Variants in SLC6A18 observed in about 807,000 individuals in gnomAD.
The protein encoded by SLC6A18 is inactive sodium-dependent neutral amino acid transporter B(0)AT3.
Under a neutral mutation model 62.9 loss-of-function variants are expected in SLC6A18, and 58 were observed. That is an observed-to-expected ratio of 0.92 (90% CI 0.75 to 1.15). SLC6A18 has a LOEUF of 1.15. Ranked by LOEUF, SLC6A18 falls within the 50% of genes most tolerant of loss-of-function variation. SLC6A18 has a pLI of 0.00. For synonymous variants in SLC6A18, 382 were observed against 365.8 expected (o/e 1.04, Z -0.51); for missense variants, 793 against 836.6 (o/e 0.95, Z 0.64).
chr5:1,244,175 C>CCAAACCCAA, intron 9 of SLC6A18, 39 bp from the exon 10 acceptor site: 2 of 893,912 alleles, frequency 2.2e-6, no homozygotes, highest in Non-Finnish European at 3.6e-6. Context: ...CTCCACTCCC[C>CCAAACCCAA]ATCCCCTTAC....
chr5:1,244,803 G>T lies in SLC6A18; in HGVS notation c.1656+36G>T. The stretch of plus-strand genomic sequence containing the variant: ...CCGGTGGGAACCTGGGAAGTCCTGG[G>T]ACCCCTCGGGCTTGGTCTGGCCCCT... On this transcript the variant is annotated intron_variant, in intron 11 of 11. Transcript: ENST00000324642. 3 of 1,570,722 alleles carry T rather than the reference G, an allele frequency of 1.9e-6. No homozygotes were observed. The South Asian group carries it at 3.5e-5, about 18-fold the overall frequency.
rs1438085972 is a variant in SLC6A18 at position 1,241,441 on chromosome 5, G to A, written c.974+782G>A. 6.6e-6 allele frequency among the ~76,000 whole-genome samples: 1 copy of A among 152,208 alleles called. No individual in the cohort carries two copies. Among genetic ancestry groups the A allele is most frequent in the Non-Finnish European group, 1.5e-5 (1 of 68,038 alleles). ...GGGTGGAGGCCGAGGATACCTCGCA[G>A]CACCCTACAGTGTCCAGGACGGCCC... On this transcript the variant is annotated intron_variant, in intron 7 of 11. Transcript: ENST00000324642. This position sits in a 1 kb window ranked among gnomAD's most constrained non-coding sequence, Gnocchi z 7.8.
At chr5:1,226,928 C>T (rs1413703550) in intron 1 of SLC6A18, among the ~76,000 whole-genome samples, 4 of 151,810 alleles carry the variant, frequency 2.6e-5, no homozygotes, top group East Asian at 1.9e-4. Flanking sequence ...CCTTGCCCAC[C>T]GATGCCTTTC....
intron 1 of SLC6A18, among the ~76,000 whole-genome samples, chr5:1,225,960 CA>C (rs1317453266): frequency 2.6e-5 from 4 of 152,222 alleles, no homozygotes; most frequent in African/African-American, 9.6e-5. Flanking sequence ...ACACACCCTA[CA>C]AACAGTGAGC....
chr5:1,232,182 C>T lies in SLC6A18; in HGVS notation c.161-37C>T, dbSNP rs750672338. On this transcript the variant is annotated intron_variant, in intron 1 of 11. Transcript: ENST00000324642. ...CCACGCCACAGTCCCCCCCAGCCCCCGACCCTGGGCAGGTGCTGACCACCC... is the reference window on the plus strand; with the variant it reads ...CCACGCCACAGTCCCCCCCAGCCCCTGACCCTGGGCAGGTGCTGACCACCC... 3.3e-5 allele frequency: 53 copies of T among 1,591,826 alleles called. No individual in the cohort carries two copies. The Admixed American group carries it at 4.2e-4, about 13-fold the overall frequency.
chr5:1,244,141 G>C, intron 9 of SLC6A18, 73 bp from the exon 10 acceptor site: 1 of 1,346,142 alleles, frequency 7.4e-7, no homozygotes, highest in Non-Finnish European at 1.0e-6. Flanking sequence ...TGCCTGGCTG[G>C]CTTCCTCCTG....
chr5:1,243,769 C>T lies in SLC6A18; in HGVS notation c.1336+10C>T. The T allele has an allele frequency of 6.3e-7, 1 of 1,588,600 alleles. No homozygotes were observed. The highest frequency in any genetic ancestry group is 8.6e-7 in the Non-Finnish European group (1 of 1,166,520). ...AAGGAGGCCCTGACTGGTGAGCGCA[C>T]AGCTCCGCCGCCCTGGAGGACCCGT... On this transcript the variant is annotated intron_variant, in intron 9 of 11. Transcript: ENST00000324642. The surrounding 1 kb of genome is among the most constrained non-coding windows in gnomAD (Gnocchi z 6.5).
At chr5:1,229,582 G>A (rs998708115) in intron 1 of SLC6A18, among the ~76,000 whole-genome samples, 5 of 152,156 alleles carry the variant, frequency 3.3e-5, no homozygotes, top group Admixed American at 2.0e-4. Context: ...TCCCATATCT[G>A]GAACCCGGAG....
chr5:1,243,000 A>T, intron 8 of SLC6A18, 137 bp downstream of exon 8: 1 of 1,075,048 alleles, frequency 9.3e-7, no homozygotes, highest in South Asian at 1.9e-5. Context: ...CAAGAACCCC[A>T]GTCTATCTTT....
At chr5:1,237,611 G>A (rs1197523038) in intron 4 of SLC6A18, among the ~76,000 whole-genome samples, 1 of 152,192 alleles carries the variant, frequency 6.6e-6, no homozygotes, top group Admixed American at 6.5e-5. Context: ...CTTGGGAGAG[G>A]GAGGCCAGGG....
In SLC6A18 at chr5:1,232,697, C is replaced by G. The variant is rs1484478052; in HGVS notation, c.302-54C>G. 1.2e-5 allele frequency: 19 copies of G among 1,554,518 alleles called. No individual in the cohort carries two copies. In the East Asian group the frequency reaches 1.6e-4, roughly 13 times the overall value. ...TTGTTTTATTCTCACTGCTTCTGGGCAGAGGGAGCTGGGAAGGAGCCCCGG... is the reference window on the plus strand; with the variant it reads ...TTGTTTTATTCTCACTGCTTCTGGGGAGAGGGAGCTGGGAAGGAGCCCCGG... On this transcript the variant is annotated intron_variant, in intron 2 of 11. Coordinates refer to ENST00000324642, the MANE Select transcript of SLC6A18 (RefSeq NM_182632.3).
intron 1 of SLC6A18, among the ~76,000 whole-genome samples, chr5:1,230,417 G>T (rs1362519009): frequency 6.6e-6 from 1 of 152,160 alleles, no homozygotes; most frequent in Non-Finnish European, 1.5e-5. Context: ...TGGGGTGTCA[G>T]GTGCCTCCAC....
rs534829526 is a variant in SLC6A18 at position 1,243,562 on chromosome 5, C to A, written c.1139C>A (p.Ser380Ter). Residue 380 changes from serine to a stop codon, truncating the protein, a stop_gained, in exon 9 of 12, where the codon TCG becomes TAG. Transcript: ENST00000324642. LOFTEE classifies it high-confidence loss of function. The surrounding 1 kb of genome is among the most constrained non-coding windows in gnomAD (Gnocchi z 6.5). The stretch of plus-strand genomic sequence containing the variant: ...GGGCTCCGTGTATTGCAGAGTGCCT[C>A]GGGCCCGGGCCTGGCCTTCGTCGTC... ...LLEDFLDKSA[S>*]GPGLAFVVFT... is the part of the protein sequence containing the mutation. 1.9e-6 allele frequency: 3 copies of A among 1,613,384 alleles called. No homozygotes were observed. The highest frequency in any genetic ancestry group is 1.7e-6 in the Non-Finnish European group (2 of 1,179,950).
In SLC6A18 at chr5:1,237,941, T is replaced by G; in HGVS notation, c.622-9T>G. The G allele has an allele frequency of 1.9e-6, 3 of 1,605,666 alleles. No homozygotes were observed. In the East Asian group the frequency reaches 6.7e-5, roughly 36 times the overall value. On this transcript the variant is annotated splice_polypyrimidine_tract_variant and intron_variant, in intron 4 of 11. Coordinates refer to ENST00000324642, the MANE Select transcript of SLC6A18 (RefSeq NM_182632.3). Reference sequence around the variant, plus strand: ...TTTCAAGTCTCATGACTCCACCTTTTGTTTCAAGGTGATTTACTTCACAGC... The same window carrying G: ...TTTCAAGTCTCATGACTCCACCTTTGGTTTCAAGGTGATTTACTTCACAGC...
Position 1,243,601 on chromosome 5 carries a change from A to T in SLC6A18, c.1178A>T (p.Asp393Val), listed in dbSNP as rs116761974. ...GCCTTCGTCGTCTTCACGGAGACCGACCTCCACATGCCGGGGGCTCCTGTG... is the reference window on the plus strand; with the variant it reads ...GCCTTCGTCGTCTTCACGGAGACCGTCCTCCACATGCCGGGGGCTCCTGTG... The part of the protein sequence containing the change: ...GLAFVVFTET[D>V]LHMPGAPVWA... The change falls in exon 9 of 12, where the codon GAC (aspartate) becomes GTC (valine). Residue 393 changes from aspartate to valine, a missense_variant. Transcript: ENST00000324642. This position sits in a 1 kb window ranked among gnomAD's most constrained non-coding sequence, Gnocchi z 6.5. The T allele has an allele frequency of 9.8e-4, 1,587 of 1,613,558 alleles. 11 individuals carry two copies. The African/African-American group carries it at 0.018, about 18-fold the overall frequency.
chr5:1,240,597 C>T lies in SLC6A18; in HGVS notation c.912C>T (p.Ser304=). The T allele has an allele frequency of 1.2e-6, 2 of 1,614,162 alleles. No individual in the cohort carries two copies. Among genetic ancestry groups the T allele is most frequent in the Non-Finnish European group, 1.7e-6 (2 of 1,180,032 alleles). Residue 304 remains serine, a synonymous_variant, in exon 7 of 12, where the codon TCC becomes TCT. Coordinates refer to ENST00000324642, the MANE Select transcript of SLC6A18 (RefSeq NM_182632.3). Reference sequence around the variant, plus strand: ...ACAGGATGACCTCCCTGTACGCGTCCATCGCTGTCTTCTCTGTCCTGGGGT... The same window carrying T: ...ACAGGATGACCTCCCTGTACGCGTCTATCGCTGTCTTCTCTGTCCTGGGGT... ...LVNRMTSLYA[S]IAVFSVLGFK...
chr5:1,235,784 G>A (rs1171919570), intron 4 of SLC6A18, 122 bp downstream of exon 4: 2 of 940,824 alleles, frequency 2.1e-6, no homozygotes, highest in Non-Finnish European at 3.3e-6. Context: ...ATCTAGGATT[G>A]CAACGTCTTC....
intron 11 of SLC6A18, among the ~76,000 whole-genome samples, chr5:1,245,358 A>C (rs999407623): frequency 7.3e-5 from 11 of 150,988 alleles, no homozygotes; most frequent in Non-Finnish European, 1.5e-4. Context: ...TCAAAACCTC[A>C]CCATGCCACC....
chr5:1,231,669 C>T (rs917613646), intron 1 of SLC6A18, among the ~76,000 whole-genome samples: 2 of 152,184 alleles, frequency 1.3e-5, no homozygotes, highest in African/African-American at 2.4e-5. Context: ...AGACCTCCTC[C>T]GGTGACTGGG....
Sources: allele counts gnomAD v4.1 joint callset (sites outside exome capture counted in the v4.1 genomes callset), GRCh38; gene constraint gnomAD v4.1.1; non-coding constraint Gnocchi (gnomAD v3.1); transcripts MANE v1.5; gene names NCBI Gene and HGNC (gene_info 2026-07-23, HGNC 2026-07-21).